The following DLG2 variants were observed in gnomAD, a reference collection of about 807,000 sequenced individuals.
DLG2 encodes discs large MAGUK scaffold protein 2.
DLG2 carries 45 observed loss-of-function variants against 132.5 expected under a neutral mutation model. That is an observed-to-expected ratio of 0.34 (90% CI 0.27 to 0.44). DLG2 has a LOEUF of 0.44. Among genes scored for constraint, DLG2 ranks in the 20% least tolerant of loss-of-function variants. The probability of loss-of-function intolerance (pLI) is 1.00; values close to 1 mark genes in which losing one functional copy is unlikely to be tolerated. For synonymous variants in DLG2, 424 were observed against 419.6 expected (o/e 1.01, Z -0.13); for missense variants, 1,045 against 1,196.9 (o/e 0.87, Z 1.87).
At chr11:85,594,622 T>C (rs2079599950) in intron 3 of DLG2, among the ~76,000 whole-genome samples, 1 of 152,164 alleles carries the variant, frequency 6.6e-6, no homozygotes, top group South Asian at 2.1e-4. Context: ...TAACACATAA[T>C]TTTCAATAAG....
chr11:84,312,601 T>C (rs1316872061), intron 7 of DLG2, among the ~76,000 whole-genome samples: 1 of 152,180 alleles, frequency 6.6e-6, no homozygotes, highest in Non-Finnish European at 1.5e-5. Context: ...GTATTCTGAA[T>C]ATGCATTCAT....
intron 3 of DLG2, among the ~76,000 whole-genome samples, chr11:85,325,037 C>G (rs1366694526): frequency 1.4e-5 from 2 of 141,790 alleles, no homozygotes; most frequent in African/African-American, 5.4e-5. Flanking sequence ...TTGGGTCACT[C>G]CCACCCGAAT....
intron 18 of DLG2, among the ~76,000 whole-genome samples, chr11:83,663,616 C>T (rs2074868181): frequency 1.3e-5 from 2 of 152,188 alleles, no homozygotes. Flanking sequence ...AATGAAAGTT[C>T]ACTGGTTTTG....
At chr11:84,987,593 A>G (rs1381632032) in intron 6 of DLG2, among the ~76,000 whole-genome samples, 1 of 152,180 alleles carries the variant, frequency 6.6e-6, no homozygotes, top group Admixed American at 6.5e-5. Flanking sequence ...GGAACAGAAT[A>G]CAGAACTCAA....
At chr11:83,791,563 A>G (rs546020403) in intron 17 of DLG2, 12 of 514,096 alleles carry the variant, frequency 2.3e-5, no homozygotes, top group Non-Finnish European at 4.4e-5. Context: ...AAGGTTTTAA[A>G]ACTGATTTTC....
intron 6 of DLG2, among the ~76,000 whole-genome samples, chr11:84,958,037 A>G (rs2051960037): frequency 6.6e-6 from 1 of 152,178 alleles, no homozygotes; most frequent in Non-Finnish European, 1.5e-5. Context: ...TACTAATACC[A>G]TCCTTATTTC....
chr11:84,336,234 A>T (rs2098484094), intron 7 of DLG2, among the ~76,000 whole-genome samples: 1 of 152,172 alleles, frequency 6.6e-6, no homozygotes, highest in Non-Finnish European at 1.5e-5. Flanking sequence ...AGAGAAAATA[A>T]ATAATCTGGT....
At chr11:83,943,325 G>A (rs1463258265) in intron 14 of DLG2, among the ~76,000 whole-genome samples, 1 of 152,106 alleles carries the variant, frequency 6.6e-6, no homozygotes, top group Non-Finnish European at 1.5e-5. Context: ...GGACTGTTAG[G>A]GATATGTATT....
Position 85,022,100 on chromosome 11 carries a change from T to C in DLG2, c.357+89561A>G, listed in dbSNP as rs957654458. Among the ~76,000 whole-genome samples, 9 of 152,094 alleles carry C rather than the reference T, an allele frequency of 5.9e-5. No homozygotes were observed. In the East Asian group the frequency reaches 1.2e-3, roughly 20 times the overall value. ...TTAGTCATAAAATAGGAATGTAATATATTATATTTATGGGACACTTTCAAA... is the reference window on the plus strand; with the variant it reads ...TTAGTCATAAAATAGGAATGTAATACATTATATTTATGGGACACTTTCAAA... On this transcript the variant is annotated intron_variant, in intron 6 of 27. Transcript: ENST00000376104.
Position 84,195,148 on chromosome 11 carries a change from C to T in DLG2, c.574-31637G>A, listed in dbSNP as rs150545472. 2.4e-4 allele frequency among the ~76,000 whole-genome samples: 37 copies of T among 152,226 alleles called. No homozygotes were observed. In the East Asian group the frequency reaches 7.0e-3, roughly 29 times the overall value. On this transcript the variant is annotated intron_variant, in intron 8 of 27. Transcript: ENST00000376104. ...CACACTGTCACCTCTCACTTTCCCT[C>T]TACTCTTCATTTTTTTATTTATTTA...
intron 6 of DLG2, among the ~76,000 whole-genome samples, chr11:84,659,295 T>C (rs1382512754): frequency 6.6e-6 from 1 of 152,114 alleles, no homozygotes; most frequent in Non-Finnish European, 1.5e-5. Context: ...CTGGACCCTC[T>C]CTCTAAAGTG....
intron 7 of DLG2, among the ~76,000 whole-genome samples, chr11:84,473,765 T>TGTATTTTA (rs2099114584): frequency 6.6e-6 from 1 of 152,038 alleles, no homozygotes; most frequent in Non-Finnish European, 1.5e-5. Flanking sequence ...ATACTTTAAG[T>TGTATTTTA]CAGAGTAAAA....
intron 18 of DLG2, among the ~76,000 whole-genome samples, chr11:83,728,063 C>G (rs2090345328): frequency 6.6e-6 from 1 of 152,152 alleles, no homozygotes; most frequent in South Asian, 2.1e-4. Context: ...GGCACCAAAT[C>G]CCATTAATCT....
intron 5 of DLG2, among the ~76,000 whole-genome samples, chr11:85,143,457 T>G (rs889736477): frequency 6.6e-6 from 1 of 151,764 alleles, no homozygotes; most frequent in Non-Finnish European, 1.5e-5. Flanking sequence ...GCTAAAAGTT[T>G]GTTGATTTAC....
intron 4 of DLG2, among the ~76,000 whole-genome samples, chr11:85,248,725 T>C (rs1181744353): frequency 6.6e-6 from 1 of 152,058 alleles, no homozygotes; most frequent in Non-Finnish European, 1.5e-5. Flanking sequence ...AATAAGGAAG[T>C]GCTAACAAGT....
intron 6 of DLG2, among the ~76,000 whole-genome samples, chr11:84,938,589 A>T (rs2154095790): frequency 6.6e-6 from 1 of 152,270 alleles, no homozygotes; most frequent in East Asian, 1.9e-4. Context: ...ATTTACTTAA[A>T]TCCTTAAATA....
intron 4 of DLG2, among the ~76,000 whole-genome samples, chr11:85,264,068 G>A (rs981321148): frequency 2.6e-5 from 4 of 151,802 alleles, no homozygotes; most frequent in Non-Finnish European, 4.4e-5. Flanking sequence ...AGGTATTTGG[G>A]AACAGGATGT....
intron 7 of DLG2, among the ~76,000 whole-genome samples, chr11:84,529,994 C>T (rs371035943): frequency 6.6e-6 from 1 of 151,962 alleles, no homozygotes; most frequent in African/African-American, 2.4e-5. Flanking sequence ...TGCTGCACAC[C>T]GACGATTATC....
At chr11:83,710,954 G>C (rs2085274446) in intron 18 of DLG2, among the ~76,000 whole-genome samples, 1 of 152,026 alleles carries the variant, frequency 6.6e-6, no homozygotes, top group Non-Finnish European at 1.5e-5. Flanking sequence ...TGTACCCAAG[G>C]ACTGTGTTAA....
Sources: gnomAD v4.1 joint callset for allele counts (sites outside exome capture counted in the v4.1 genomes callset) on GRCh38, gnomAD v4.1.1 for gene constraint, MANE v1.5 for transcripts, NCBI Gene and HGNC (gene_info 2026-07-23, HGNC 2026-07-21) for gene names.